LARGE1: variants seen among roughly 807,000 people sequenced by gnomAD.
LARGE1 encodes LARGE xylosyl- and glucuronyltransferase 1.
Under a neutral mutation model 87.6 loss-of-function variants are expected in LARGE1, and 43 were observed. The observed-to-expected ratio is 0.49, with a 90% CI of 0.38 to 0.63. The LOEUF (loss-of-function observed/expected upper bound fraction) is 0.63. Among genes scored for constraint, LARGE1 ranks in the 30% least tolerant of loss-of-function variants. The pLI is 0.00. For synonymous variants in LARGE1, 434 were observed against 394.6 expected (o/e 1.10, Z -1.18); for missense variants, 802 against 1,000.2 (o/e 0.80, Z 2.67).
the LARGE1 span, among the ~76,000 whole-genome samples, chr22:33,096,415 CAA>C: frequency 4.6e-4 from 29 of 62,900 alleles, no homozygotes; most frequent in East Asian, 9.5e-4. Context: ...AACTCCATCT[CAA>C]AAAAAAAAAA....
chr22:33,626,581 T>C (rs774521218), intron 3 of LARGE1, among the ~76,000 whole-genome samples: 7 of 152,154 alleles, frequency 4.6e-5, no homozygotes, highest in Non-Finnish European at 8.8e-5. Flanking sequence ...AGAGAGATGG[T>C]GATTGGCTCA....
intron 6 of LARGE1, among the ~76,000 whole-genome samples, chr22:33,519,366 G>A (rs1483552617): frequency 6.6e-6 from 1 of 152,116 alleles, no homozygotes; most frequent in Non-Finnish European, 1.5e-5. Context: ...GAGACAATGA[G>A]TTTAAAAGCT....
At chr22:33,476,242 C>T (rs1004123636) in intron 6 of LARGE1, among the ~76,000 whole-genome samples, 1 of 152,228 alleles carries the variant, frequency 6.6e-6, no homozygotes, top group African/African-American at 2.4e-5. Context: ...TGGATTGCTT[C>T]CTCTGCCCTA....
chr22:33,709,167 T>C (rs141919526), intron 2 of LARGE1, among the ~76,000 whole-genome samples: 1 of 152,248 alleles, frequency 6.6e-6, no homozygotes, highest in East Asian at 1.9e-4. Flanking sequence ...CCAATCACAG[T>C]CATTACCACT....
intron 7 of LARGE1, among the ~76,000 whole-genome samples, chr22:33,409,358 T>C (rs1470377979): frequency 6.6e-6 from 1 of 152,024 alleles, no homozygotes; most frequent in African/African-American, 2.4e-5. Context: ...GAAAGCATAG[T>C]ATAGCAGGTC....
chr22:33,499,920 C>T (rs571934337), intron 6 of LARGE1, among the ~76,000 whole-genome samples: 4 of 152,162 alleles, frequency 2.6e-5, no homozygotes, highest in South Asian at 2.1e-4. Context: ...ATTACAGGCG[C>T]GGGACACCAT....
At chr22:33,160,564 T>C (rs1894487), downstream of LARGE1, among the ~76,000 whole-genome samples, 64,205 of 152,102 alleles carry the variant, frequency 0.42, 13,991 homozygotes, top group South Asian at 0.68. Context: ...AGACTCTATG[T>C]AATTTTTATA....
rs533093651 is a variant in LARGE1, at chr22:33,832,546, C to G, written c.-82-70988G>C. Among the ~76,000 whole-genome samples, 71 of 152,278 alleles carry G rather than the reference C, an allele frequency of 4.7e-4. No homozygotes were observed. In the East Asian group the frequency reaches 0.013, roughly 27 times the overall value. On this transcript the variant is annotated intron_variant, in intron 1 of 14. Transcript: ENST00000397394. ...GGCTTCACGCAAGCTGTGGCTTGGA[C>G]CCTCCAATACAGGCCTCAACAGCAT...
At chr22:33,427,777 G>C (rs2066930361) in intron 7 of LARGE1, among the ~76,000 whole-genome samples, 1 of 152,232 alleles carries the variant, frequency 6.6e-6, no homozygotes, top group Non-Finnish European at 1.5e-5. Flanking sequence ...CAGAGCCTCC[G>C]AGTGGGTTCT....
At chr22:33,541,054 C>CGGGGGGGGGGGGGGGGGGGGGGGGGGGG (rs57583473) in intron 6 of LARGE1, among the ~76,000 whole-genome samples, 1 of 13,720 alleles carries the variant, frequency 7.3e-5, no homozygotes, top group Admixed American at 1.1e-3. Context: ...TGGTGGGTTG[C>CGGGGGGGGGGGGGGGGGGGGGGGGGGGG]GGGGGGGGGG....
rs138952488 is a variant in LARGE1 at position 33,912,158 on chromosome 22, G to C, written c.-83+7837C>G. On this transcript the variant is annotated intron_variant, in intron 1 of 14. Transcript: ENST00000397394. ...ATGAGAGCTGACATCAGTCAAGAAG[G>C]CTCTTAAACAAACAGTGTTGGCACA... Among the ~76,000 whole-genome samples, 204 of 152,260 alleles carry C rather than the reference G, an allele frequency of 1.3e-3. 1 individual carries two copies. Among genetic ancestry groups the C allele is most frequent in the African/African-American group, 3.6e-3 (148 of 41,542 alleles).
chr22:33,367,650 C>G (rs1029345899), intron 9 of LARGE1, among the ~76,000 whole-genome samples: 1 of 152,120 alleles, frequency 6.6e-6, no homozygotes, highest in South Asian at 2.1e-4. Context: ...TGGTCTTAAA[C>G]TCCTGAACTC....
chr22:33,585,897 C>A (rs980605852), intron 5 of LARGE1, among the ~76,000 whole-genome samples: 12 of 152,218 alleles, frequency 7.9e-5, no homozygotes, highest in African/African-American at 2.9e-4. Context: ...CAGGGTTTCA[C>A]CATGTTGGCC....
chr22:33,708,362 C>A (rs534900956), intron 2 of LARGE1, among the ~76,000 whole-genome samples: 1 of 152,216 alleles, frequency 6.6e-6, no homozygotes, highest in East Asian at 1.9e-4. Context: ...GTGGCCAATG[C>A]GTAGACAGAG....
rs117924296 is a variant in LARGE1 at position 33,605,870 on chromosome 22, G to A, written c.492-1312C>T. Among the ~76,000 whole-genome samples the A allele has an allele frequency of 6.3e-3, 959 of 152,276 alleles. 7 individuals are homozygous for A. The highest frequency in any genetic ancestry group is 0.014 in the Middle Eastern group (4 of 294). On this transcript the variant is annotated intron_variant, in intron 4 of 14. Coordinates refer to ENST00000397394, the MANE Select transcript of LARGE1 (RefSeq NM_133642.5). ...CAAAAGAACACAAAGTTCCACGGGA[G>A]TAAGAGCAGCAGCCAATTCTGACAG...
chr22:33,719,809 C>T (rs566398454), intron 2 of LARGE1, among the ~76,000 whole-genome samples: 46 of 152,178 alleles, frequency 3.0e-4, no homozygotes, highest in Admixed American at 2.0e-3. Flanking sequence ...CGTGAGCCAC[C>T]GCACCTGGCT....
intron 2 of LARGE1, chr22:33,723,724 T>A (rs239314): frequency 1.3e-5 from 2 of 151,686 alleles, no homozygotes; most frequent in South Asian, 4.2e-4. Flanking sequence ...TGAGCCCCCC[T>A]TTTTTCCCCC....
chr22:33,379,794 T>G (rs1359681591), intron 9 of LARGE1, among the ~76,000 whole-genome samples: 3 of 152,280 alleles, frequency 2.0e-5, no homozygotes, highest in South Asian at 2.1e-4. Context: ...CTTTCCATCC[T>G]GAGGCTCTCT....
the LARGE1 span, among the ~76,000 whole-genome samples, chr22:33,133,877 A>C: frequency 6.6e-6 from 1 of 152,234 alleles, no homozygotes; most frequent in South Asian, 2.1e-4. Flanking sequence ...TATAAAGAGA[A>C]TGTGTGCTGG....
Sources: gnomAD v4.1 joint callset for allele counts (sites outside exome capture counted in the v4.1 genomes callset) on GRCh38, gnomAD v4.1.1 for gene constraint, MANE v1.5 for transcripts, NCBI Gene and HGNC (gene_info 2026-07-23, HGNC 2026-07-21) for gene names.